The following SCNN1B variants were observed in gnomAD, a reference collection of about 807,000 sequenced individuals.
The protein encoded by SCNN1B is sodium channel epithelial 1 subunit beta.
SCNN1B carries 46 observed loss-of-function variants against 65.3 expected under a neutral mutation model. The observed-to-expected ratio is 0.70, with a 90% confidence interval of 0.56 to 0.90. The LOEUF is 0.90. Ranked by LOEUF, SCNN1B falls within the 40% of genes least tolerant of loss-of-function variation. The pLI is 0.00. For missense variants in SCNN1B, 751 were observed against 830.5 expected, an observed-to-expected ratio of 0.90 and a Z score of 1.18; for synonymous variants, 349 against 330.6, an observed-to-expected ratio of 1.06 and a Z score of -0.60.
intron 4 of SCNN1B, among the ~76,000 whole-genome samples, chr16:23,356,001 C>T (rs1962412838): frequency 6.6e-6 from 1 of 152,154 alleles, no homozygotes; most frequent in African/African-American, 2.4e-5. Flanking sequence ...TAGGTAAAGT[C>T]TAGGCTCAGC....
intron 4 of SCNN1B, among the ~76,000 whole-genome samples, chr16:23,360,869 A>G (rs1201116358): frequency 2.0e-5 from 3 of 151,810 alleles, no homozygotes; most frequent in Non-Finnish European, 4.4e-5. Context: ...ATCTCGGCTC[A>G]CCACAAGCTC....
intron 2 of SCNN1B, among the ~76,000 whole-genome samples, chr16:23,295,180 T>C (rs1036685769): frequency 6.6e-6 from 1 of 152,170 alleles, no homozygotes; most frequent in African/African-American, 2.4e-5. Context: ...GTATCTCTAG[T>C]GCCCAGAACA....
At position 23,380,959 on chromosome 16, in the gene SCNN1B, G is replaced by A. The variant is rs995653754; in HGVS notation, c.*158G>A. 11 of 788,254 alleles carry A rather than the reference G, an allele frequency of 1.4e-5. No individual in the cohort carries two copies. Among genetic ancestry groups the A allele is most frequent in the Middle Eastern group, 3.6e-4 (1 of 2,794 alleles). The allele number at this position is 788,254 out of a possible 1,614,324, so 48.8% of individuals were successfully genotyped here. ...CAGAGAGGCCAGCGGCAACTGGTCC[G>A]TTACTGGCCAAGGGCTCTGTAGAAT... On this transcript the variant is annotated 3_prime_UTR_variant, in exon 13 of 13. Coordinates refer to ENST00000343070, the MANE Select transcript of SCNN1B (RefSeq NM_000336.3). This position sits in a 1 kb window ranked among gnomAD's most constrained non-coding sequence, Gnocchi z 5.4.
intron 1 of SCNN1B, among the ~76,000 whole-genome samples, chr16:23,337,405 C>T (rs958723138): frequency 2.1e-5 from 3 of 142,942 alleles, no homozygotes; most frequent in African/African-American, 8.0e-5. Flanking sequence ...TGGAGTTTCA[C>T]TCTTGTCGTC....
chr16:23,305,729 A>G (rs959900889), intron 1 of SCNN1B, among the ~76,000 whole-genome samples: 1 of 150,272 alleles, frequency 6.7e-6, no homozygotes, highest in African/African-American at 2.4e-5. Flanking sequence ...CTTGGGCAAC[A>G]GAGTGAGACC....
chr16:23,378,132 G>C (rs1412119273), intron 10 of SCNN1B, among the ~76,000 whole-genome samples: 1 of 152,102 alleles, frequency 6.6e-6, no homozygotes, highest in African/African-American at 2.4e-5. Context: ...CCTCAGCTGT[G>C]ATCCTCAGCT....
intron 1 of SCNN1B, among the ~76,000 whole-genome samples, chr16:23,318,693 AAGG>A (rs1961524359): frequency 6.6e-6 from 1 of 152,362 alleles, no homozygotes; most frequent in Non-Finnish European, 1.5e-5. Flanking sequence ...TGGCTGTAAG[AAGG>A]AGATGAGATC....
At chr16:23,285,728 C>T (rs1191545939) in intron 2 of SCNN1B, among the ~76,000 whole-genome samples, 2 of 152,178 alleles carry the variant, frequency 1.3e-5, no homozygotes, top group African/African-American at 4.8e-5. Context: ...AATCCCAACA[C>T]TTTGGGAGGC....
chr16:23,342,897 T>C (rs553384941), intron 1 of SCNN1B, among the ~76,000 whole-genome samples: 4 of 152,084 alleles, frequency 2.6e-5, no homozygotes, highest in African/African-American at 9.6e-5. Flanking sequence ...GGGCATGGAG[T>C]TTTCTTTAGG....
At chr16:23,363,900 A>T (rs1381301617) in intron 4 of SCNN1B, among the ~76,000 whole-genome samples, 1 of 151,566 alleles carries the variant, frequency 6.6e-6, no homozygotes, top group African/African-American at 2.4e-5. Context: ...AGGTGCAGTG[A>T]CTCACCCTGT....
chr16:23,285,923 A>C (rs1346237884), intron 2 of SCNN1B, among the ~76,000 whole-genome samples: 1 of 152,182 alleles, frequency 6.6e-6, no homozygotes, highest in Non-Finnish European at 1.5e-5. Context: ...GCAGTGAGCC[A>C]AGATCGAGCC....
intron 11 of SCNN1B, 119 bp from the exon 12 acceptor site, chr16:23,379,975 T>C (rs1963004262): frequency 3.7e-6 from 3 of 809,256 alleles, no homozygotes; most frequent in South Asian, 1.4e-5. Flanking sequence ...TACATGTGTG[T>C]GCATACATGT....
intron 1 of SCNN1B, among the ~76,000 whole-genome samples, chr16:23,303,520 C>G (rs1282842966): frequency 6.6e-6 from 1 of 152,126 alleles, no homozygotes; most frequent in East Asian, 1.9e-4. Flanking sequence ...TCCCAGCTCC[C>G]CAAAGGTAAA....
Position 23,371,468 on chromosome 16 carries a change from G to C in SCNN1B, c.1044+6G>C. Reference sequence around the variant, plus strand: ...CGTCCATCGGGGTACTCGTGGTATGGCCGGAGCCCAAGGGCAGTCCTAGAG... The same window carrying C: ...CGTCCATCGGGGTACTCGTGGTATGCCCGGAGCCCAAGGGCAGTCCTAGAG... On this transcript the variant is annotated splice_donor_region_variant and intron_variant, in intron 6 of 12. Coordinates refer to ENST00000343070, the MANE Select transcript of SCNN1B (RefSeq NM_000336.3). 1 of 1,613,380 alleles carries C rather than the reference G, an allele frequency of 6.2e-7. No homozygotes were observed. The highest frequency in any genetic ancestry group is 2.2e-5 in the East Asian group (1 of 44,882).
chr16:23,296,545 T>C lies in SCNN1B; in HGVS notation n.178+12741T>C, dbSNP rs541858044. Among the ~76,000 whole-genome samples the C allele has an allele frequency of 2.6e-5, 4 of 152,240 alleles. No homozygotes were observed. In the East Asian group the frequency reaches 7.7e-4, roughly 29 times the overall value. ...CTTTGTGGCTGTTAGGGCAAGTTCC[T>C]TGACACCTCCAGGTCTGTGAAATGG... On this transcript the variant is annotated intron_variant and non_coding_transcript_variant, in intron 2 of 3. Transcript: ENST00000569789.
intron 4 of SCNN1B, 22 bp from the exon 5 acceptor site, chr16:23,367,834 C>T (rs768875368): frequency 6.3e-7 from 1 of 1,580,818 alleles, no homozygotes; most frequent in Non-Finnish European, 8.7e-7. Context: ...ACCTGCCCTG[C>T]AGCTGATGCT....
At chr16:23,298,169 C>A (rs1194664733), upstream of SCNN1B, among the ~76,000 whole-genome samples, 1 of 152,098 alleles carries the variant, frequency 6.6e-6, no homozygotes, top group East Asian at 1.9e-4. Flanking sequence ...GTCATTAACC[C>A]TTTCAGACGT....
intron 10 of SCNN1B, among the ~76,000 whole-genome samples, chr16:23,377,769 C>T (rs78271681): frequency 2.2e-4 from 22 of 98,990 alleles, no homozygotes; most frequent in African/African-American, 5.3e-4. Flanking sequence ...CTTCCTTCCT[C>T]CTTTCTTCCT....
At chr16:23,284,338 G>A (rs1960822669) in intron 2 of SCNN1B, among the ~76,000 whole-genome samples, 1 of 152,094 alleles carries the variant, frequency 6.6e-6, no homozygotes, top group South Asian at 2.1e-4. Context: ...CCAGGAGGAG[G>A]AGATTGCAGT....
Sources: allele counts gnomAD v4.1 joint callset (sites outside exome capture counted in the v4.1 genomes callset), GRCh38; gene constraint gnomAD v4.1.1; non-coding constraint Gnocchi (gnomAD v3.1); transcripts MANE v1.5; gene names NCBI Gene and HGNC (gene_info 2026-07-23, HGNC 2026-07-21).